The following SLC35F3 variants were observed in gnomAD, a reference collection of about 807,000 sequenced individuals.
The protein encoded by SLC35F3 is putative thiamine transporter SLC35F3.
A neutral mutation model predicts 49.9 loss-of-function variants in SLC35F3; 25 were observed. That is an observed-to-expected ratio of 0.50 (90% confidence interval 0.37 to 0.70). SLC35F3 has a LOEUF of 0.70. SLC35F3 is among the 30% of genes least tolerant of loss of function. The probability of loss-of-function intolerance (pLI) is 0.00; values close to 1 mark genes in which losing one functional copy is unlikely to be tolerated. For missense variants in SLC35F3, 525 were observed against 639.8 expected, an observed-to-expected ratio of 0.82 and a Z score of 1.94; for synonymous variants, 275 against 265.4, an observed-to-expected ratio of 1.04 and a Z score of -0.35.
intron 2 of SLC35F3, among the ~76,000 whole-genome samples, chr1:234,072,398 C>T (rs778961940): frequency 2.0e-5 from 3 of 152,204 alleles, no homozygotes; most frequent in Non-Finnish European, 4.4e-5. Flanking sequence ...GAGCACTCAT[C>T]AGACACTGAT....
At chr1:233,936,815 A>T (rs1662341794) in intron 2 of SLC35F3, among the ~76,000 whole-genome samples, 1 of 152,104 alleles carries the variant, frequency 6.6e-6, no homozygotes, top group East Asian at 1.9e-4. Flanking sequence ...CAGCTTCCCA[A>T]GTACCTGGGA....
intron 3 of SLC35F3, among the ~76,000 whole-genome samples, chr1:234,257,085 T>A (rs1667831383): frequency 6.6e-6 from 1 of 152,266 alleles, no homozygotes; most frequent in Admixed American, 6.5e-5. Context: ...ATGTAAATTA[T>A]ACTTTAATGA....
At chr1:234,254,665 T>C (rs572771723) in intron 3 of SLC35F3, among the ~76,000 whole-genome samples, 10 of 152,320 alleles carry the variant, frequency 6.6e-5, no homozygotes, top group East Asian at 1.9e-4. Flanking sequence ...AGGAATTATT[T>C]TGGAAGATCA....
chr1:234,161,388 A>C (rs1666225251), intron 2 of SLC35F3, among the ~76,000 whole-genome samples: 1 of 152,180 alleles, frequency 6.6e-6, no homozygotes, highest in Non-Finnish European at 1.5e-5. Context: ...GCTACACTGC[A>C]CTTAGAGCTA....
intron 2 of SLC35F3, among the ~76,000 whole-genome samples, chr1:234,184,950 C>T (rs1021405888): frequency 2.6e-5 from 4 of 152,190 alleles, no homozygotes; most frequent in Non-Finnish European, 5.9e-5. Flanking sequence ...TTAACAAGAT[C>T]TTGGGCATTT....
At chr1:234,147,189 C>G (rs1359041842) in intron 2 of SLC35F3, among the ~76,000 whole-genome samples, 2 of 148,502 alleles carry the variant, frequency 1.3e-5, no homozygotes, top group African/African-American at 2.4e-5. Flanking sequence ...ATTTGACACC[C>G]TTTAATTCTG....
At chr1:234,111,666 C>T (rs1373151147) in intron 2 of SLC35F3, among the ~76,000 whole-genome samples, 2 of 152,216 alleles carry the variant, frequency 1.3e-5, no homozygotes, top group Admixed American at 6.5e-5. Context: ...ACCCATGCTC[C>T]CTCTGCTGAC....
At chr1:234,141,671 C>A (rs1261641459) in intron 2 of SLC35F3, among the ~76,000 whole-genome samples, 1 of 152,164 alleles carries the variant, frequency 6.6e-6, no homozygotes, top group Non-Finnish European at 1.5e-5. Flanking sequence ...CTCAGCCCAC[C>A]ATGTTAGCTT....
chr1:234,301,114 A>C (rs1668684675), intron 3 of SLC35F3, among the ~76,000 whole-genome samples: 1 of 152,220 alleles, frequency 6.6e-6, no homozygotes, highest in Non-Finnish European at 1.5e-5. Flanking sequence ...GGGAATGTCC[A>C]GGCAAGGGTG....
chr1:234,269,220 C>T (rs1191704285), intron 3 of SLC35F3, among the ~76,000 whole-genome samples: 1 of 151,948 alleles, frequency 6.6e-6, no homozygotes, highest in Non-Finnish European at 1.5e-5. Context: ...GGAGGAGGAC[C>T]ATTTCCTGAT....
intron 3 of SLC35F3, among the ~76,000 whole-genome samples, chr1:234,256,897 A>G (rs181648596): frequency 6.6e-6 from 1 of 152,360 alleles, no homozygotes; most frequent in East Asian, 1.9e-4. Context: ...GCCAGAGGCT[A>G]CGCTTCTCAG....
rs563765787 is a variant in SLC35F3, at chr1:234,222,589, G to T, written c.284-8828G>T. The stretch of plus-strand genomic sequence containing the variant: ...GCCCAGCACCGCCTTGGTGAGTCTG[G>T]TGGGCTGGCCACTTCACAGGAGAAG... On this transcript the variant is annotated intron_variant, in intron 2 of 7. Coordinates refer to ENST00000366618, the MANE Select transcript of SLC35F3 (RefSeq NM_173508.4). Among the ~76,000 whole-genome samples the T allele has an allele frequency of 2.6e-5, 4 of 152,246 alleles. No individual in the cohort carries two copies. In the South Asian group the frequency reaches 8.3e-4, roughly 32 times the overall value.
intron 2 of SLC35F3, among the ~76,000 whole-genome samples, chr1:234,020,134 CA>C (rs57442560): frequency 0.052 from 7,554 of 146,150 alleles, 380 homozygotes; most frequent in East Asian, 0.16. Context: ...CCATCCCACA[CA>C]AAAAAAAAAA....
rs185835956 is a variant in SLC35F3 at position 233,912,451 on chromosome 1, T to C, written c.283+6693T>C. On this transcript the variant is annotated intron_variant, in intron 2 of 7. Transcript: ENST00000366618. ...GAGATCGTGCCACTGCACTCCATCC[T>C]GGGCGACAGAGTGAGACTCCATCAC... 2.5e-3 allele frequency among the ~76,000 whole-genome samples: 377 copies of C among 152,224 alleles called. 1 individual carries two copies. The highest frequency in any genetic ancestry group is 7.8e-3 in the African/African-American group (325 of 41,520).
chr1:234,054,289 A>G (rs530384705), intron 2 of SLC35F3, among the ~76,000 whole-genome samples: 3 of 152,336 alleles, frequency 2.0e-5, no homozygotes, highest in Admixed American at 2.0e-4. Flanking sequence ...ATTCAGACGT[A>G]GATTTGGTGT....
At chr1:234,065,870 T>C (rs1031353187) in intron 2 of SLC35F3, among the ~76,000 whole-genome samples, 2 of 152,176 alleles carry the variant, frequency 1.3e-5, no homozygotes, top group South Asian at 2.1e-4. Flanking sequence ...AACAATAAAC[T>C]AATACAGTAA....
chr1:234,323,524 AC>A lies in SLC35F3; in HGVS notation c.*282del. 4.5e-6 allele frequency: 2 copies of A among 447,244 alleles called. No homozygotes were observed. The highest frequency in any genetic ancestry group is 8.0e-6 in the Non-Finnish European group (2 of 249,000). 27.7% of individuals were successfully genotyped at this position (447,244 alleles called of 1,614,324 possible). A position where few individuals can be genotyped will look rare whatever the true frequency, so the allele number is the denominator to read the frequency against. The stretch of plus-strand genomic sequence containing the variant: ...CTGCGTAGATCGTTTTGGATGGCTG[AC>A]GTTCTTGACAAGCCAGCCATCAGGG... On this transcript the variant is annotated 3_prime_UTR_variant, in exon 8 of 8. Coordinates refer to ENST00000366618, the MANE Select transcript of SLC35F3 (RefSeq NM_173508.4). This position sits in a 1 kb window ranked among gnomAD's most constrained non-coding sequence, Gnocchi z 4.5.
chr1:234,306,511 A>T (rs877722), intron 3 of SLC35F3: 25,049 of 152,822 alleles, frequency 0.16, 2,516 homozygotes, highest in African/African-American at 0.27. Context: ...AGCACTGAAG[A>T]TTAGTGCATA....
At chr1:234,291,126 C>G (rs12047514) in intron 3 of SLC35F3, among the ~76,000 whole-genome samples, 3,229 of 152,292 alleles carry the variant, frequency 0.021, 228 homozygotes, top group East Asian at 0.15. Context: ...CGCCACCCCC[C>G]AAACCACCAA....
Sources: allele counts gnomAD v4.1 joint callset (sites outside exome capture counted in the v4.1 genomes callset), GRCh38; gene constraint gnomAD v4.1.1; non-coding constraint Gnocchi (gnomAD v3.1); transcripts MANE v1.5; gene names NCBI Gene and HGNC (gene_info 2026-07-23, HGNC 2026-07-21).